Variants in AK9 observed in about 807,000 individuals in gnomAD.
The protein encoded by AK9 is adenylate kinase 9, also known as adenylate kinase domain containing 1.
Under a neutral mutation model 239.6 loss-of-function variants are expected in AK9, and 191 were observed. That is an observed-to-expected ratio of 0.80 (90% CI 0.71 to 0.90). AK9 has a LOEUF of 0.90. Among genes scored for constraint, AK9 ranks in the 40% least tolerant of loss-of-function variants. The probability of loss-of-function intolerance (pLI) is 0.00; values close to 1 mark genes in which losing one functional copy is unlikely to be tolerated. For synonymous variants in AK9, 689 were observed against 721.0 expected (o/e 0.96, Z 0.71); for missense variants, 1,995 against 2,214.7 (o/e 0.90, Z 1.99).
chr6:109,638,098 G>A (rs951175987), intron 10 of AK9, among the ~76,000 whole-genome samples: 6 of 152,172 alleles, frequency 3.9e-5, no homozygotes, highest in Non-Finnish European at 7.3e-5. Context: ...TTATGAAAAA[G>A]GAGGCAGGTT....
At chr6:109,624,558 T>A (rs529308853) in intron 12 of AK9, among the ~76,000 whole-genome samples, 2 of 152,304 alleles carry the variant, frequency 1.3e-5, no homozygotes, top group South Asian at 4.1e-4. Flanking sequence ...AGAAGTTCCA[T>A]GTTATTGGAA....
At chr6:109,553,931 A>G (rs1052209362) in intron 24 of AK9, among the ~76,000 whole-genome samples, 4 of 152,212 alleles carry the variant, frequency 2.6e-5, no homozygotes, top group Non-Finnish European at 5.9e-5. Flanking sequence ...ATTTTATCAA[A>G]GGCCTTTTCT....
chr6:109,615,770 T>C (rs779221160), intron 13 of AK9, among the ~76,000 whole-genome samples: 4 of 152,172 alleles, frequency 2.6e-5, no homozygotes, highest in Admixed American at 6.5e-5. Context: ...TTAAATAGTT[T>C]CAAGCATGCA....
At chr6:109,633,537 G>T (rs1361652712) in intron 10 of AK9, among the ~76,000 whole-genome samples, 1 of 152,026 alleles carries the variant, frequency 6.6e-6, no homozygotes, top group Non-Finnish European at 1.5e-5. Flanking sequence ...AAAATTACAG[G>T]ACCCTTGTTT....
intron 24 of AK9, among the ~76,000 whole-genome samples, chr6:109,560,812 C>T (rs1785661114): frequency 6.6e-6 from 1 of 152,114 alleles, no homozygotes. Context: ...CTCTCCTCTT[C>T]AATTTTCTGG....
intron 38 of AK9, 125 bp downstream of exon 38, chr6:109,497,340 A>G: frequency 3.5e-6 from 2 of 572,060 alleles, no homozygotes; most frequent in South Asian, 1.8e-5. Flanking sequence ...ACACACACAC[A>G]CACACACACA....
intron 26 of AK9, among the ~76,000 whole-genome samples, chr6:109,543,906 G>A (rs1329093759): frequency 6.6e-6 from 1 of 152,060 alleles, no homozygotes; most frequent in Non-Finnish European, 1.5e-5. Context: ...ATCACTTGAA[G>A]TCTGGAGTTT....
At chr6:109,638,376 C>T (rs1796976282) in intron 10 of AK9, among the ~76,000 whole-genome samples, 2 of 152,220 alleles carry the variant, frequency 1.3e-5, no homozygotes, top group South Asian at 4.1e-4. Flanking sequence ...TGTTGACCCA[C>T]TGAGATCTTG....
At chr6:109,644,798 T>G in intron 8 of AK9, 110 bp from the exon 9 acceptor site, 1 of 812,528 alleles carries the variant, frequency 1.2e-6, no homozygotes, top group Non-Finnish European at 1.8e-6. Flanking sequence ...ATTGTTTGCC[T>G]TATACATGCT....
At chr6:109,666,452 C>T (rs898083372) in intron 5 of AK9, among the ~76,000 whole-genome samples, 5 of 152,262 alleles carry the variant, frequency 3.3e-5, no homozygotes, top group South Asian at 2.1e-4. Flanking sequence ...TCCATGCTAA[C>T]GATGGAGGAG....
At chr6:109,583,473 T>A (rs1789111133) in intron 19 of AK9, among the ~76,000 whole-genome samples, 1 of 152,150 alleles carries the variant, frequency 6.6e-6, no homozygotes, top group Non-Finnish European at 1.5e-5. Context: ...AACCAACCTA[T>A]AAGGCCTTTA....
intron 8 of AK9, 64 bp from the exon 9 acceptor site, chr6:109,644,752 G>T: frequency 7.3e-7 from 1 of 1,364,692 alleles, no homozygotes; most frequent in South Asian, 1.2e-5. Flanking sequence ...TACAAGATCA[G>T]AATCTTAATA....
chr6:109,615,435 G>GT, intron 13 of AK9, among the ~76,000 whole-genome samples: 1 of 152,146 alleles, frequency 6.6e-6, no homozygotes, highest in African/African-American at 2.4e-5. Flanking sequence ...CCTTAAATAG[G>GT]TTGAATAACA....
intron 24 of AK9, among the ~76,000 whole-genome samples, chr6:109,561,744 T>G (rs1785808552): frequency 6.6e-6 from 1 of 152,240 alleles, no homozygotes; most frequent in Admixed American, 6.5e-5. Flanking sequence ...TCCTTTATTT[T>G]TAAAACTAGT....
intron 17 of AK9, among the ~76,000 whole-genome samples, chr6:109,593,430 G>C (rs1482887075): frequency 6.6e-6 from 1 of 152,058 alleles, no homozygotes; most frequent in African/African-American, 2.4e-5. Flanking sequence ...AATTCTACCA[G>C]GGGTACAAAG....
In AK9 at chr6:109,656,807, A is replaced by G. The variant is rs1159593455; in HGVS notation, c.708T>C (p.Asn236=). 1 of 1,610,246 alleles carries G rather than the reference A, an allele frequency of 6.2e-7. No individual in the cohort carries two copies. The highest frequency in any genetic ancestry group is 8.5e-7 in the Non-Finnish European group (1 of 1,176,938). ...LVQRPEDYLE[N]VENIVKLYKE... is the part of the protein sequence containing the mutation. Reference sequence around the variant, plus strand: ...TATAAAGCTTAACAATGTTTTCAACATTTTCCAAATAATCTTCAGGCCTCT... The same window carrying G: ...TATAAAGCTTAACAATGTTTTCAACGTTTTCCAAATAATCTTCAGGCCTCT... The change falls in exon 8 of 41, where the codon AAT becomes AAC. Residue 236 remains asparagine (N), a synonymous_variant. Coordinates refer to ENST00000424296, the MANE Select transcript of AK9 (RefSeq NM_001145128.3).
intron 29 of AK9, among the ~76,000 whole-genome samples, chr6:109,519,135 T>TATG (rs1460856466): frequency 6.6e-6 from 1 of 152,206 alleles, no homozygotes; most frequent in Admixed American, 6.5e-5. Flanking sequence ...CTGCAAAGGA[T>TATG]ATGACTTTGT....
At chr6:109,520,352 G>A (rs1779708657) in intron 29 of AK9, among the ~76,000 whole-genome samples, 1 of 152,108 alleles carries the variant, frequency 6.6e-6, no homozygotes, top group Non-Finnish European at 1.5e-5. Flanking sequence ...AGCTAACCTG[G>A]CACCATTTAT....
intron 17 of AK9, among the ~76,000 whole-genome samples, chr6:109,589,735 T>C (rs539987436): frequency 1.3e-5 from 2 of 152,308 alleles, no homozygotes; most frequent in East Asian, 3.9e-4. Flanking sequence ...TGAGGTATGT[T>C]CCTTCTATGC....
Sources: gnomAD v4.1 joint callset for allele counts (sites outside exome capture counted in the v4.1 genomes callset) on GRCh38, gnomAD v4.1.1 for gene constraint, MANE v1.5 for transcripts, NCBI Gene and HGNC (gene_info 2026-07-23, HGNC 2026-07-21) for gene names.